The following TMEM108 variants were observed in gnomAD, a reference collection of about 807,000 sequenced individuals.
The protein encoded by TMEM108 is cancer/testis antigen 124.
A neutral mutation model predicts 35.1 loss-of-function variants in TMEM108; 12 were observed. The ratio of observed to expected loss-of-function variants is 0.34; its 90% CI spans 0.22 to 0.55. TMEM108 has a LOEUF of 0.55. Ranked by LOEUF, TMEM108 falls within the 20% of genes least tolerant of loss-of-function variation. The pLI is 0.89. For missense variants in TMEM108, 680 were observed against 753.3 expected (o/e 0.90, Z 1.14); for synonymous variants, 287 against 308.6 (o/e 0.93, Z 0.73).
intron 2 of TMEM108, 80 bp from the exon 3 acceptor site, chr3:133,229,186 A>C (rs902163743): frequency 2.2e-6 from 2 of 895,876 alleles, no homozygotes; most frequent in Non-Finnish European, 3.4e-6. Context: ...ATTATAACCA[A>C]GATCCTATTG....
At chr3:133,263,283 TAGCAA>T (rs1946651168) in intron 3 of TMEM108, among the ~76,000 whole-genome samples, 1 of 152,238 alleles carries the variant, frequency 6.6e-6, no homozygotes, top group African/African-American at 2.4e-5. Context: ...AGCAAGTAGG[TAGCAA>T]AGAACATGCC....
intron 2 of TMEM108, among the ~76,000 whole-genome samples, chr3:133,081,052 T>C (rs1031403632): frequency 2.6e-5 from 4 of 151,790 alleles, no homozygotes; most frequent in African/African-American, 9.7e-5. Context: ...GGATATAAAA[T>C]GTGGATAATT....
rs201421804 is a variant in TMEM108, at chr3:133,284,929, GT to G, written c.40+55587del. ...CCATGTTTCAAGTTTTTTGTTTTTT[GT>G]TTTTTTTTACTTTGATGAGTATGTT... On this transcript the variant is annotated intron_variant, in intron 3 of 5. Transcript: ENST00000321871. Among the ~76,000 whole-genome samples the G allele has an allele frequency of 6.0e-5, 9 of 149,166 alleles. No individual in the cohort carries two copies. The East Asian group carries it at 1.6e-3, about 26-fold the overall frequency.
intron 3 of TMEM108, among the ~76,000 whole-genome samples, chr3:133,293,390 C>T (rs1947100062): frequency 6.7e-6 from 1 of 150,364 alleles, no homozygotes; most frequent in Non-Finnish European, 1.5e-5. Context: ...AAGCCCTTGA[C>T]AAGTGTTGGC....
intron 1 of TMEM108, among the ~76,000 whole-genome samples, chr3:133,045,247 C>T (rs1030987713): frequency 5.3e-5 from 8 of 152,138 alleles, no homozygotes; most frequent in Non-Finnish European, 8.8e-5. Context: ...GGATTACAGG[C>T]GTGAGCCACC....
Position 133,207,857 on chromosome 3 carries a change from G to A in TMEM108, c.-46-21409G>A, listed in dbSNP as rs141915983. The stretch of plus-strand genomic sequence containing the variant: ...TTCAAACATACCACACTCAATGCAT[G>A]CAACAAGATCCACAAATGCCAACAC... On this transcript the variant is annotated intron_variant, in intron 2 of 5. Coordinates refer to ENST00000321871, the MANE Select transcript of TMEM108 (RefSeq NM_023943.4). Among the ~76,000 whole-genome samples the A allele has an allele frequency of 1.8e-3, 269 of 152,240 alleles. 1 individual carries two copies. The highest frequency in any genetic ancestry group is 6.4e-3 in the African/African-American group (264 of 41,546).
chr3:133,175,190 T>C (rs1336295736), intron 2 of TMEM108, among the ~76,000 whole-genome samples: 10 of 151,990 alleles, frequency 6.6e-5, no homozygotes, highest in African/African-American at 9.7e-5. Flanking sequence ...CAGACCAAAT[T>C]TACGTCTGAT....
intron 3 of TMEM108, among the ~76,000 whole-genome samples, chr3:133,308,571 G>A (rs2071078722): frequency 6.6e-6 from 1 of 151,668 alleles, no homozygotes. Context: ...TTAGTATGAA[G>A]GGCTGTTGAA....
chr3:133,257,209 C>T (rs970666616), intron 3 of TMEM108: 1 of 152,002 alleles, frequency 6.6e-6, no homozygotes, highest in Non-Finnish European at 1.5e-5. Flanking sequence ...CAGGATGTCA[C>T]AGTATTATGA....
At chr3:133,387,103 A>C (rs2073163670) in intron 4 of TMEM108, 1 of 985,406 alleles carries the variant, frequency 1.0e-6, no homozygotes, top group South Asian at 4.7e-5. Context: ...TCCTTGAGCC[A>C]CCCAATAGTC....
At chr3:133,258,451 A>G (rs1040680827) in intron 3 of TMEM108, among the ~76,000 whole-genome samples, 8 of 152,212 alleles carry the variant, frequency 5.3e-5, no homozygotes, top group Non-Finnish European at 8.8e-5. Flanking sequence ...CCAGCTGCCC[A>G]CACCACCTCG....
intron 3 of TMEM108, among the ~76,000 whole-genome samples, chr3:133,334,065 G>T (rs1484324732): frequency 6.6e-6 from 1 of 152,044 alleles, no homozygotes; most frequent in Non-Finnish European, 1.5e-5. Flanking sequence ...CATTTTGCAG[G>T]TCCAAAGAAA....
At chr3:133,373,687 A>AT (rs1256316328) in intron 3 of TMEM108, among the ~76,000 whole-genome samples, 1 of 152,216 alleles carries the variant, frequency 6.6e-6, no homozygotes, top group Non-Finnish European at 1.5e-5. Context: ...GCTGTTGCTC[A>AT]TGCAGAAAAC....
chr3:133,128,248 GT>G lies in TMEM108; in HGVS notation c.-47+82232del, dbSNP rs1944443123. On this transcript the variant is annotated intron_variant, in intron 2 of 5. Transcript: ENST00000321871. ...ATCACTGATAAAATTCATCCACTCTGTTTTGAATATATCAAGTGAAAAGCAC... is the reference window on the plus strand; with the variant it reads ...ATCACTGATAAAATTCATCCACTCTGTTTGAATATATCAAGTGAAAAGCAC... Among the ~76,000 whole-genome samples the G allele has an allele frequency of 2.0e-5, 3 of 152,200 alleles. No individual in the cohort carries two copies. In the South Asian group the frequency reaches 6.2e-4, roughly 31 times the overall value.
chr3:133,093,150 T>G (rs981797279), intron 2 of TMEM108, among the ~76,000 whole-genome samples: 1 of 152,142 alleles, frequency 6.6e-6, no homozygotes, highest in Non-Finnish European at 1.5e-5. Flanking sequence ...CCACCACATC[T>G]GGCTAATTTT....
chr3:133,358,335 CTAATTTT>C (rs1051338636), intron 3 of TMEM108, among the ~76,000 whole-genome samples: 1 of 152,048 alleles, frequency 6.6e-6, no homozygotes, highest in Non-Finnish European at 1.5e-5. Context: ...CTACGCCTGG[CTAATTTT>C]CGTATTTTTA....
chr3:133,375,164 A>G (rs1034530729), intron 3 of TMEM108, among the ~76,000 whole-genome samples: 4 of 152,202 alleles, frequency 2.6e-5, no homozygotes, highest in East Asian at 1.9e-4. Context: ...CTTTTCATCA[A>G]TTCCCTTGTT....
At position 133,341,252 on chromosome 3, in the gene TMEM108, G is replaced by A. The variant is rs907831233; in HGVS notation, c.41-38500G>A. On this transcript the variant is annotated intron_variant, in intron 3 of 5. Coordinates refer to ENST00000321871, the MANE Select transcript of TMEM108 (RefSeq NM_023943.4). Reference sequence around the variant, plus strand: ...ACATACAAAAATCAGTAGCATTTCTGTATGCCAGCAGTGAATAATCTGAAA... The same window carrying A: ...ACATACAAAAATCAGTAGCATTTCTATATGCCAGCAGTGAATAATCTGAAA... Among the ~76,000 whole-genome samples, 4 of 151,630 alleles carry A rather than the reference G, an allele frequency of 2.6e-5. No homozygotes were observed. In the East Asian group the frequency reaches 5.8e-4, roughly 22 times the overall value.
chr3:133,358,762 C>T (rs1025992898), intron 3 of TMEM108, among the ~76,000 whole-genome samples: 1 of 152,172 alleles, frequency 6.6e-6, no homozygotes, highest in African/African-American at 2.4e-5. Flanking sequence ...TCCCCTAACC[C>T]ACAGCTACTT....
Sources: gnomAD v4.1 joint callset for allele counts (sites outside exome capture counted in the v4.1 genomes callset) on GRCh38, gnomAD v4.1.1 for gene constraint, MANE v1.5 for transcripts, NCBI Gene and HGNC (gene_info 2026-07-23, HGNC 2026-07-21) for gene names.